The following JCAD variants were observed in gnomAD, a reference collection of about 807,000 sequenced individuals.
JCAD encodes junctional cadherin 5-associated protein.
A neutral mutation model predicts 98.0 loss-of-function variants in JCAD; 40 were observed. That is an observed-to-expected ratio of 0.41 (90% CI 0.32 to 0.53). The LOEUF is 0.53. Ranked by LOEUF, JCAD falls within the 20% of genes least tolerant of loss-of-function variation. The pLI, the probability that JCAD is intolerant of heterozygous loss-of-function variation, is 0.31. For synonymous variants in JCAD, 691 were observed against 682.3 expected (o/e 1.01, Z -0.20); for missense variants, 1,705 against 1,738.1 (o/e 0.98, Z 0.34).
At position 30,092,049 on chromosome 10, in the gene JCAD, AAAAAAAAAAAAAAAAATAT is replaced by A. The variant is rs1226211923; in HGVS notation, n.129-22247_129-22229del. ...TCCCCCACCACAAAAAAAAAAAAAA[AAAAAAAAAAAAAAAAATAT>A]ATATATATATATATATATATAAAGT... is the stretch of plus-strand genomic sequence containing the variant. On this transcript the variant is annotated intron_variant and non_coding_transcript_variant, in intron 1 of 2. Transcript: ENST00000465712. Among the ~76,000 whole-genome samples, 57 of 27,774 alleles carry A rather than the reference AAAAAAAAAAAAAAAAATAT, an allele frequency of 2.1e-3. 1 individual carries two copies. The highest frequency in any genetic ancestry group is 8.3e-3 in the African/African-American group (47 of 5,630). 18.2% of individuals were successfully genotyped at this position (27,774 alleles called of 152,430 possible). A position where few individuals can be genotyped will look rare whatever the true frequency, so the allele number is the denominator to read the frequency against.
In JCAD at chr10:30,017,850, T is replaced by A. The variant is rs1305764021; in HGVS notation, c.*33A>T. 1.2e-6 allele frequency: 2 copies of A among 1,601,582 alleles called. No homozygotes were observed. The highest frequency in any genetic ancestry group is 4.5e-5 in the East Asian group (2 of 44,822). ...TACCAGCTACTTGAGAATACTCAAT[T>A]CGCAACGGAATGCAAGCTCCACCGG... On this transcript the variant is annotated 3_prime_UTR_variant, in exon 4 of 4. Coordinates refer to ENST00000375377, the MANE Select transcript of JCAD (RefSeq NM_020848.4).
In JCAD at chr10:30,047,686, G is replaced by A. The variant is rs1422618585; in HGVS notation, c.127C>T (p.Leu43=). Residue 43 remains leucine, a synonymous_variant, in exon 2 of 4, where the codon CTG becomes TTG. Coordinates refer to ENST00000375377, the MANE Select transcript of JCAD (RefSeq NM_020848.4). The part of the protein sequence containing the change: ...ARTGTRAGQG[L]QNGHEDGPAA... ...GGGCCATCCTCATGCCCGTTCTGCA[G>A]GCCCTGGCCTGCTCGTGTCCCAGTC... is the stretch of plus-strand genomic sequence containing the variant. 6 of 1,614,230 alleles carry A rather than the reference G, an allele frequency of 3.7e-6. No homozygotes were observed. The African/African-American group carries it at 4.0e-5, about 11-fold the overall frequency.
chr10:30,042,623 G>C (rs565858304), intron 2 of JCAD, among the ~76,000 whole-genome samples: 1 of 151,722 alleles, frequency 6.6e-6, no homozygotes, highest in South Asian at 2.1e-4. Context: ...ATGGGAGGCA[G>C]AGATGGGTGG....
At position 30,017,761 on chromosome 10, in the gene JCAD, A is replaced by G; in HGVS notation, c.*122T>C. On this transcript the variant is annotated 3_prime_UTR_variant, in exon 4 of 4. Transcript: ENST00000375377. ...AGTGGCAGTGGTAAAGAATGTTATC[A>G]GGATGCTAAAAACTCAGCAGCTTCC... is the stretch of plus-strand genomic sequence containing the variant. 1 of 844,982 alleles carries G rather than the reference A, an allele frequency of 1.2e-6. No individual in the cohort carries two copies. The highest frequency in any genetic ancestry group is 2.2e-4 in the Middle Eastern group (1 of 4,616). The allele number at this position is 844,982 out of a possible 1,614,324, so 52.3% of individuals were successfully genotyped here. A position where few individuals can be genotyped will look rare whatever the true frequency, so the allele number is the denominator to read the frequency against.
intron 1 of JCAD, among the ~76,000 whole-genome samples, chr10:30,053,179 C>T (rs896355976): frequency 5.3e-5 from 8 of 151,238 alleles, no homozygotes; most frequent in African/African-American, 1.9e-4. Flanking sequence ...GCATGAGGAG[C>T]TATAAGGGTT....
chr10:30,071,378 G>A (rs540518850), intron 1 of JCAD, among the ~76,000 whole-genome samples: 1 of 152,250 alleles, frequency 6.6e-6, no homozygotes, highest in South Asian at 2.1e-4. Flanking sequence ...GAAACCTCTG[G>A]AAATGGTGAC....
chr10:30,046,613 A>G (rs1406355842), intron 2 of JCAD, among the ~76,000 whole-genome samples: 1 of 152,234 alleles, frequency 6.6e-6, no homozygotes, highest in East Asian at 1.9e-4. Flanking sequence ...TAGCTTTTAC[A>G]AAGTTCTAAA....
intron 1 of JCAD, among the ~76,000 whole-genome samples, chr10:30,078,185 T>C (rs777483183): frequency 2.6e-5 from 4 of 152,254 alleles, no homozygotes; most frequent in Admixed American, 2.0e-4. Flanking sequence ...AAGATAGGTA[T>C]GGCTTTTCCT....
At position 30,029,637 on chromosome 10, in the gene JCAD, CTTCCCAAACTG is replaced by C; in HGVS notation, c.500_510del (p.Pro167ArgfsTer31). Reference sequence around the variant, plus strand: ...GCAGGACCTGACATTCGCAATTCTTCTTCCCAAACTGGCTTCTTCATCACATGCTCTGACCT... The same window carrying C: ...GCAGGACCTGACATTCGCAATTCTTCGCTTCTTCATCACATGCTCTGACCT... On this transcript the variant is annotated frameshift_variant, in exon 3 of 4. Coordinates refer to ENST00000375377, the MANE Select transcript of JCAD (RefSeq NM_020848.4). LOFTEE classifies it high-confidence loss of function. The C allele has an allele frequency of 6.2e-7, 1 of 1,614,242 alleles. No individual in the cohort carries two copies. The highest frequency in any genetic ancestry group is 8.5e-7 in the Non-Finnish European group (1 of 1,180,058).
rs191523028 is a variant in JCAD, at chr10:30,029,246, T to C, written c.902A>G (p.His301Arg). Residue 301 changes from histidine to arginine, a missense_variant, in exon 3 of 4, where the codon CAC becomes CGC. His to Arg is a conservative substitution (Grantham distance 29, BLOSUM62 0). Coordinates refer to ENST00000375377, the MANE Select transcript of JCAD (RefSeq NM_020848.4). ...GTCCGCTCCTCCCCTAGACTGCTGG[T>C]GCGAGCTGTAAGATGGGGGCTTGAG... ...RPLKPPSYSS[H>R]QQSRGGADSS... 47 of 1,614,094 alleles carry C rather than the reference T, an allele frequency of 2.9e-5. No individual in the cohort carries two copies. The highest frequency in any genetic ancestry group is 3.6e-5 in the Non-Finnish European group (43 of 1,180,020).
At chr10:30,086,848 A>G (rs1383678932) in intron 1 of JCAD, among the ~76,000 whole-genome samples, 1 of 152,234 alleles carries the variant, frequency 6.6e-6, no homozygotes, top group Non-Finnish European at 1.5e-5. Context: ...TAAAAGGGTT[A>G]CAGTTATTTT....
At chr10:30,111,787 C>T (rs947225261) in intron 1 of JCAD, among the ~76,000 whole-genome samples, 5 of 152,072 alleles carry the variant, frequency 3.3e-5, no homozygotes, top group Non-Finnish European at 5.9e-5. Context: ...AGTAGGATGG[C>T]GATCATAAAA....
At chr10:30,054,778 T>A (rs1481543591) in intron 1 of JCAD, among the ~76,000 whole-genome samples, 1 of 151,738 alleles carries the variant, frequency 6.6e-6, no homozygotes, top group African/African-American at 2.4e-5. Context: ...CACGCCATTC[T>A]CCTGCCTCAG....
In JCAD at chr10:30,106,604, G is replaced by A. The variant is rs191706855; in HGVS notation, n.128+8763C>T. Among the ~76,000 whole-genome samples, 17 of 152,254 alleles carry A rather than the reference G, an allele frequency of 1.1e-4. No homozygotes were observed. The East Asian group carries it at 3.3e-3, about 29-fold the overall frequency. ...CAACCTCTGCCTCCTGGGTTCAAGC[G>A]ATTCTGCTGCCTCAGCCTCCTGAGT... On this transcript the variant is annotated intron_variant and non_coding_transcript_variant, in intron 1 of 2. Transcript: ENST00000465712.
rs1173378560 is a variant in JCAD, at chr10:30,047,689, C to G, written c.124G>C (p.Gly42Arg). 1 of 1,614,230 alleles carries G rather than the reference C, an allele frequency of 6.2e-7. No homozygotes were observed. Among genetic ancestry groups the G allele is most frequent in the East Asian group, 2.2e-5 (1 of 44,876 alleles). ...CCATCCTCATGCCCGTTCTGCAGGCCCTGGCCTGCTCGTGTCCCAGTCCTC... is the reference window on the plus strand; with the variant it reads ...CCATCCTCATGCCCGTTCTGCAGGCGCTGGCCTGCTCGTGTCCCAGTCCTC... ...AARTGTRAGQ[G>R]LQNGHEDGPA... Residue 42 changes from glycine (G) to arginine (R), a missense_variant, in exon 2 of 4, where the codon GGC becomes CGC. Transcript: ENST00000375377.
chr10:30,072,344 A>C (rs1219604726), intron 1 of JCAD, among the ~76,000 whole-genome samples: 1 of 152,204 alleles, frequency 6.6e-6, no homozygotes, highest in Non-Finnish European at 1.5e-5. Flanking sequence ...TCCAGATTAC[A>C]TGATTTATCT....
chr10:30,034,560 CAGATT>C (rs1837074284), intron 2 of JCAD, among the ~76,000 whole-genome samples: 1 of 152,114 alleles, frequency 6.6e-6, no homozygotes, highest in East Asian at 1.9e-4. Flanking sequence ...AGGTTCGACA[CAGATT>C]AGTCATTTTG....
In JCAD at chr10:30,027,855, A is replaced by C; in HGVS notation, c.2293T>G (p.Ser765Ala). 6.2e-7 allele frequency: 1 copy of C among 1,614,264 alleles called. No individual in the cohort carries two copies. The highest frequency in any genetic ancestry group is 1.1e-5 in the South Asian group (1 of 91,090). The stretch of plus-strand genomic sequence containing the variant: ...TGGTCCACGGACAAGGAAGTCCTTG[A>C]GAACGCACTGTTGCTGGATGGGCTG... ...SLSPSSNSAF[S>A]RTSLSVDQAP... The change falls in exon 3 of 4, where the codon TCA becomes GCA. Residue 765 changes from serine to alanine, a missense_variant. Physicochemically the swap from Ser to Ala is moderately conservative, Grantham distance 99. Coordinates refer to ENST00000375377, the MANE Select transcript of JCAD (RefSeq NM_020848.4).
At chr10:30,068,455 A>G (rs1414591289) in intron 2 of JCAD, among the ~76,000 whole-genome samples, 1 of 150,620 alleles carries the variant, frequency 6.6e-6, no homozygotes, top group Non-Finnish European at 1.5e-5. Context: ...TTTCCATTTC[A>G]TTAGTCACCT....
Sources: allele counts gnomAD v4.1 joint callset (sites outside exome capture counted in the v4.1 genomes callset), GRCh38; gene constraint gnomAD v4.1.1; transcripts MANE v1.5; gene names NCBI Gene and HGNC (gene_info 2026-07-23, HGNC 2026-07-21).